MPP7: variants seen among roughly 807,000 people sequenced by gnomAD.
The protein encoded by MPP7 is MAGUK p55 scaffold protein 7.
A neutral mutation model predicts 76.5 loss-of-function variants in MPP7; 60 were observed. That is an observed-to-expected ratio of 0.78 (90% CI 0.64 to 0.97). The LOEUF (loss-of-function observed/expected upper bound fraction) is 0.97. Ranked by LOEUF, MPP7 falls within the 50% of genes least tolerant of loss-of-function variation. The pLI is 0.00. For synonymous variants in MPP7, 237 were observed against 244.5 expected (o/e 0.97, Z 0.29); for missense variants, 641 against 694.0 (o/e 0.92, Z 0.86).
intron 11 of MPP7, among the ~76,000 whole-genome samples, chr10:28,090,101 CAGG>C (rs1853225036): frequency 6.6e-6 from 1 of 152,070 alleles, no homozygotes; most frequent in Non-Finnish European, 1.5e-5. Context: ...GGTGGGATTA[CAGG>C]CACACATCAC....
Position 28,063,304 on chromosome 10 carries a change from A to T in MPP7, c.1205-3561T>A, listed in dbSNP as rs1226202259. 2.6e-5 allele frequency among the ~76,000 whole-genome samples: 4 copies of T among 151,906 alleles called. No homozygotes were observed. In the East Asian group the frequency reaches 7.8e-4, roughly 29 times the overall value. ...GTGAAACCCCACCTCTACTATAAAT[A>T]TAAAAATTATCCAGGCATGGTGGCA... On this transcript the variant is annotated intron_variant, in intron 13 of 16. Coordinates refer to ENST00000683449, the MANE Select transcript of MPP7 (RefSeq NM_001318170.2).
intron 11 of MPP7, among the ~76,000 whole-genome samples, chr10:28,108,040 C>T (rs146942343): frequency 1.3e-5 from 2 of 152,274 alleles, no homozygotes; most frequent in African/African-American, 4.8e-5. Context: ...AAAGGGTTTT[C>T]TAGTTTGTTT....
chr10:28,178,966 A>G (rs1023688626), intron 3 of MPP7, among the ~76,000 whole-genome samples: 1 of 152,230 alleles, frequency 6.6e-6, no homozygotes, highest in African/African-American at 2.4e-5. Flanking sequence ...TAAAATCCAG[A>G]AAGGCCAATA....
At chr10:28,202,292 A>C in intron 2 of MPP7, 21 bp from the exon 3 acceptor site, 1 of 1,538,626 alleles carries the variant, frequency 6.5e-7, no homozygotes, top group Non-Finnish European at 9.0e-7. Context: ...AAAATAAAAC[A>C]CAAAGTGTAA....
At chr10:28,249,550 A>G (rs2132838939) in intron 1 of MPP7, among the ~76,000 whole-genome samples, 1 of 152,326 alleles carries the variant, frequency 6.6e-6, no homozygotes, top group Admixed American at 6.5e-5. Context: ...GATCCACTGC[A>G]ATACAGCCTG....
At chr10:28,118,771 T>C (rs1435643416) in intron 11 of MPP7, 1 of 985,316 alleles carries the variant, frequency 1.0e-6, no homozygotes, top group Admixed American at 6.2e-5. Flanking sequence ...TTTGGCTCCC[T>C]TCTAATGTGA....
At chr10:28,184,725 A>C (rs1405254779) in intron 3 of MPP7, among the ~76,000 whole-genome samples, 2 of 148,082 alleles carry the variant, frequency 1.4e-5, no homozygotes, top group Non-Finnish European at 3.0e-5. Flanking sequence ...AAAAGATATT[A>C]TCCTAATATA....
intron 3 of MPP7, among the ~76,000 whole-genome samples, chr10:28,151,320 A>G (rs2133780179): frequency 6.6e-6 from 1 of 152,348 alleles, no homozygotes; most frequent in East Asian, 1.9e-4. Flanking sequence ...ATAACAAGGT[A>G]ATAAACTTTA....
chr10:28,082,550 T>A (rs12253376), intron 12 of MPP7, among the ~76,000 whole-genome samples: 33,943 of 152,004 alleles, frequency 0.22, 5,767 homozygotes, highest in East Asian at 0.62. Flanking sequence ...TCTAATTCAC[T>A]GACTCATGCA....
At chr10:28,158,080 T>G (rs1340698598) in intron 3 of MPP7, among the ~76,000 whole-genome samples, 1 of 152,168 alleles carries the variant, frequency 6.6e-6, no homozygotes, top group African/African-American at 2.4e-5. Context: ...AGTGGACATA[T>G]AAATCCTCTA....
chr10:28,287,668 A>G (rs1048896015), intron 1 of MPP7, among the ~76,000 whole-genome samples: 44 of 152,346 alleles, frequency 2.9e-4, no homozygotes, highest in African/African-American at 1.0e-3. Flanking sequence ...GTTTTTGTAT[A>G]CCAATTATAT....
intron 1 of MPP7, among the ~76,000 whole-genome samples, chr10:28,263,448 G>A (rs995490698): frequency 1.1e-4 from 16 of 152,154 alleles, no homozygotes; most frequent in African/African-American, 3.4e-4. Context: ...AGTGTCCCCC[G>A]ACCTTGATCC....
chr10:28,110,210 C>T (rs1278077272), intron 11 of MPP7, among the ~76,000 whole-genome samples: 1 of 151,960 alleles, frequency 6.6e-6, no homozygotes, highest in Non-Finnish European at 1.5e-5. Context: ...CTGCCTCTGC[C>T]TCCTGAGTAG....
intron 5 of MPP7, among the ~76,000 whole-genome samples, chr10:28,142,600 G>A (rs1467990147): frequency 2.6e-5 from 4 of 152,028 alleles, no homozygotes; most frequent in Admixed American, 1.3e-4. Context: ...GTGTGGTGGC[G>A]TGCACCTGTA....
intron 2 of MPP7, among the ~76,000 whole-genome samples, chr10:28,205,774 A>G (rs1588922821): frequency 6.6e-6 from 1 of 152,298 alleles, no homozygotes; most frequent in Non-Finnish European, 1.5e-5. Flanking sequence ...GAAAAGAAGT[A>G]AACACTTGAG....
chr10:28,214,986 G>A (rs539499375), intron 2 of MPP7, among the ~76,000 whole-genome samples: 1 of 152,012 alleles, frequency 6.6e-6, no homozygotes, highest in African/African-American at 2.4e-5. Flanking sequence ...GCACTCGATG[G>A]ATCAGCTGAC....
At chr10:28,281,455 A>G (rs1379080377) in intron 1 of MPP7, among the ~76,000 whole-genome samples, 1 of 152,108 alleles carries the variant, frequency 6.6e-6, no homozygotes, top group Non-Finnish European at 1.5e-5. Flanking sequence ...TGAAGTGGTA[A>G]TGAGTATCTG....
chr10:28,225,120 C>T (rs1446337264), intron 2 of MPP7, among the ~76,000 whole-genome samples: 1 of 152,136 alleles, frequency 6.6e-6, no homozygotes, highest in Non-Finnish European at 1.5e-5. Flanking sequence ...GGAATTTCCA[C>T]ATACAGAAGA....
intron 1 of MPP7, among the ~76,000 whole-genome samples, chr10:28,296,114 T>C (rs535714379): frequency 6.6e-6 from 1 of 152,314 alleles, no homozygotes; most frequent in East Asian, 1.9e-4. Context: ...AGGAGAGCTA[T>C]AAACCTGTCT....
Sources: gnomAD v4.1 joint callset for allele counts (sites outside exome capture counted in the v4.1 genomes callset) on GRCh38, gnomAD v4.1.1 for gene constraint, MANE v1.5 for transcripts, NCBI Gene and HGNC (gene_info 2026-07-23, HGNC 2026-07-21) for gene names.